The following SLC25A26 variants were observed in gnomAD, a reference collection of about 807,000 sequenced individuals.
The protein encoded by SLC25A26 is solute carrier family 25 member 26.
SLC25A26 carries 36 observed loss-of-function variants against 37.8 expected under a neutral mutation model. The ratio of observed to expected loss-of-function variants is 0.95; its 90% CI spans 0.73 to 1.26. SLC25A26 has a LOEUF of 1.26. SLC25A26 is among the 50% of genes most tolerant of loss of function. The pLI, the probability that SLC25A26 is intolerant of heterozygous loss-of-function variation, is 0.00. For synonymous variants in SLC25A26, 129 were observed against 122.5 expected, an observed-to-expected ratio of 1.05 and a Z score of -0.35; for missense variants, 390 against 331.1, an observed-to-expected ratio of 1.18 and a Z score of -1.38.
intron 5 of SLC25A26, among the ~76,000 whole-genome samples, chr3:66,300,303 A>G (rs950896525): frequency 4.8e-5 from 7 of 145,216 alleles, no homozygotes; most frequent in Admixed American, 2.8e-4. Flanking sequence ...GCCATTACCA[A>G]TATTACTTGA....
At chr3:66,239,935 C>G (rs36136508) in intron 2 of SLC25A26, among the ~76,000 whole-genome samples, 2 of 150,738 alleles carry the variant, frequency 1.3e-5, no homozygotes, top group Admixed American at 6.6e-5. Flanking sequence ...ATTTGACTCT[C>G]TCTTGTAATG....
At chr3:66,196,997 A>G (rs1334899802) in intron 1 of SLC25A26, among the ~76,000 whole-genome samples, 2 of 152,208 alleles carry the variant, frequency 1.3e-5, no homozygotes, top group Non-Finnish European at 1.5e-5. Context: ...GGGTCAGTTA[A>G]AATATGGCTT....
At chr3:66,369,786 C>T (rs1030845624) in intron 8 of SLC25A26, among the ~76,000 whole-genome samples, 3 of 152,338 alleles carry the variant, frequency 2.0e-5, no homozygotes, top group Middle Eastern at 3.4e-3. Context: ...GCAGTACCAT[C>T]TTCAAATAAA....
intron 6 of SLC25A26, among the ~76,000 whole-genome samples, chr3:66,356,866 T>G (rs1348660335): frequency 6.6e-6 from 1 of 152,054 alleles, no homozygotes; most frequent in Non-Finnish European, 1.5e-5. Flanking sequence ...TGGGCTCAAG[T>G]GATCCTCCCA....
At chr3:66,256,866 C>CT (rs2073324182) in intron 3 of SLC25A26, among the ~76,000 whole-genome samples, 1 of 152,300 alleles carries the variant, frequency 6.6e-6, no homozygotes, top group African/African-American at 2.4e-5. Flanking sequence ...TTACTGTAGT[C>CT]TGAGTGACAG....
intron 5 of SLC25A26, among the ~76,000 whole-genome samples, chr3:66,292,665 T>G (rs1032993302): frequency 5.3e-5 from 8 of 152,242 alleles, no homozygotes; most frequent in African/African-American, 1.9e-4. Context: ...AGAGACCTGC[T>G]GTTAGTCTGA....
At chr3:66,219,632 G>C (rs1025310507), upstream of SLC25A26, among the ~76,000 whole-genome samples, 29 of 152,196 alleles carry the variant, frequency 1.9e-4, no homozygotes, top group Admixed American at 3.3e-4. Context: ...TGTATAGTCT[G>C]TCTGTGTGTA....
intron 5 of SLC25A26, among the ~76,000 whole-genome samples, chr3:66,296,832 G>T (rs2074917611): frequency 6.6e-6 from 1 of 152,182 alleles, no homozygotes; most frequent in African/African-American, 2.4e-5. Context: ...ATTGCAGATG[G>T]GATGAGAAAG....
At chr3:66,324,321 C>T (rs912579649) in intron 5 of SLC25A26, among the ~76,000 whole-genome samples, 1 of 151,520 alleles carries the variant, frequency 6.6e-6, no homozygotes, top group Admixed American at 6.6e-5. Flanking sequence ...TTCTTGCTGT[C>T]TTCTGTTCCT....
intron 5 of SLC25A26, among the ~76,000 whole-genome samples, chr3:66,324,628 T>G (rs2075788392): frequency 6.6e-6 from 1 of 152,204 alleles, no homozygotes; most frequent in African/African-American, 2.4e-5. Flanking sequence ...TATTTCAAAG[T>G]TAAACTCTGA....
chr3:66,187,111 C>A (rs1451240488), intron 1 of SLC25A26, among the ~76,000 whole-genome samples: 1 of 151,782 alleles, frequency 6.6e-6, no homozygotes, highest in African/African-American at 2.4e-5. Flanking sequence ...TTGACCCTGA[C>A]CCTGATCCTC....
chr3:66,286,581 A>T (rs898725019), intron 5 of SLC25A26, among the ~76,000 whole-genome samples: 1 of 151,930 alleles, frequency 6.6e-6, no homozygotes, highest in Non-Finnish European at 1.5e-5. Flanking sequence ...CAATGTCTTT[A>T]TTTTTCTTTA....
chr3:66,149,389 C>T (rs958861047), intron 1 of SLC25A26, among the ~76,000 whole-genome samples: 12 of 152,102 alleles, frequency 7.9e-5, no homozygotes, highest in African/African-American at 2.9e-4. Context: ...AAGCACCTGA[C>T]CCTAGCAGCC....
intron 2 of SLC25A26, among the ~76,000 whole-genome samples, chr3:66,241,291 C>T (rs1191551562): frequency 6.6e-6 from 1 of 152,058 alleles, no homozygotes; most frequent in African/African-American, 2.4e-5. Context: ...AAAAAAATCC[C>T]AGGATGATTC....
intron 1 of SLC25A26, among the ~76,000 whole-genome samples, chr3:66,194,324 T>C (rs1442015216): frequency 6.6e-6 from 1 of 152,216 alleles, no homozygotes; most frequent in Non-Finnish European, 1.5e-5. Flanking sequence ...TTGAAAGGGT[T>C]CAGGGGATGG....
chr3:66,288,510 T>C (rs547353892), intron 5 of SLC25A26, among the ~76,000 whole-genome samples: 1 of 152,224 alleles, frequency 6.6e-6, no homozygotes, highest in East Asian at 1.9e-4. Context: ...CAGTGTGTGA[T>C]GTTCCCCTCC....
In SLC25A26 at chr3:66,150,550, A is replaced by G. The variant is rs537109383; in HGVS notation, c.-354+16566A>G. 4.4e-3 allele frequency among the ~76,000 whole-genome samples: 580 copies of G among 131,154 alleles called. 24 individuals are homozygous for G. The highest frequency in any genetic ancestry group is 0.016 in the African/African-American group (558 of 35,346). 86.0% of individuals were successfully genotyped at this position (131,154 alleles called of 152,430 possible). On this transcript the variant is annotated intron_variant, in intron 1 of 10. Coordinates refer to the SLC25A26 transcript ENST00000676754. ...ATATATATATATATATATATAAAAT[A>G]TATATAATGATATATATAAAAATAT...
intron 5 of SLC25A26, among the ~76,000 whole-genome samples, chr3:66,265,278 G>T (rs1285956429): frequency 6.6e-6 from 1 of 152,076 alleles, no homozygotes; most frequent in East Asian, 1.9e-4. Context: ...CTGCACTCCA[G>T]CCTGGGTGAC....
chr3:66,168,221 A>G (rs2106726272), intron 1 of SLC25A26, among the ~76,000 whole-genome samples: 2 of 150,644 alleles, frequency 1.3e-5, no homozygotes, highest in African/African-American at 4.9e-5. Flanking sequence ...ACACACATAT[A>G]TATCTACTCA....
Sources: gnomAD v4.1 joint callset for allele counts (sites outside exome capture counted in the v4.1 genomes callset) on GRCh38, gnomAD v4.1.1 for gene constraint, MANE v1.5 for transcripts, NCBI Gene and HGNC (gene_info 2026-07-23, HGNC 2026-07-21) for gene names.